ADGRL3: variants seen among roughly 807,000 people sequenced by gnomAD.
The protein encoded by ADGRL3 is calcium-independent alpha-latrotoxin receptor 3.
A neutral mutation model predicts 153.5 loss-of-function variants in ADGRL3; 62 were observed. The observed-to-expected ratio is 0.40, with a 90% CI of 0.33 to 0.50. The LOEUF (loss-of-function observed/expected upper bound fraction) is 0.50. Among genes scored for constraint, ADGRL3 ranks in the 20% least tolerant of loss-of-function variants. ADGRL3 has a pLI of 0.47. For missense variants in ADGRL3, 1,641 were observed against 1,859.4 expected, an observed-to-expected ratio of 0.88 and a Z score of 2.16; for synonymous variants, 710 against 672.5, an observed-to-expected ratio of 1.06 and a Z score of -0.86.
chr4:61,550,385 T>G (rs2098734690), intron 4 of ADGRL3, among the ~76,000 whole-genome samples: 1 of 152,036 alleles, frequency 6.6e-6, no homozygotes, highest in Admixed American at 6.6e-5. Context: ...ATTAAAATAA[T>G]TCACTTTTCT....
At chr4:61,367,553 C>A (rs2096427738) in intron 1 of ADGRL3, among the ~76,000 whole-genome samples, 2 of 150,576 alleles carry the variant, frequency 1.3e-5, no homozygotes, top group Non-Finnish European at 3.0e-5. Context: ...CATGTCCCTA[C>A]AAAGGACATG....
chr4:61,644,389 C>A (rs1047008541), intron 5 of ADGRL3, among the ~76,000 whole-genome samples: 1 of 151,772 alleles, frequency 6.6e-6, no homozygotes, highest in African/African-American at 2.4e-5. Flanking sequence ...GTTAGGGTGT[C>A]AATTTTAGAT....
chr4:61,254,833 C>T (rs1255628454), intron 1 of ADGRL3, among the ~76,000 whole-genome samples: 2 of 152,124 alleles, frequency 1.3e-5, no homozygotes, highest in African/African-American at 2.4e-5. Flanking sequence ...CATTTTTCTT[C>T]CTTGTGGATC....
chr4:61,691,208 T>A (rs1214414768), intron 6 of ADGRL3, among the ~76,000 whole-genome samples: 1 of 152,202 alleles, frequency 6.6e-6, no homozygotes, highest in Admixed American at 6.5e-5. Flanking sequence ...TTATAGTACT[T>A]GATCAAATCT....
intron 2 of ADGRL3, among the ~76,000 whole-genome samples, chr4:61,446,095 A>G (rs1442874698): frequency 1.3e-5 from 2 of 152,156 alleles, no homozygotes; most frequent in East Asian, 3.9e-4. Flanking sequence ...TCATATAATG[A>G]CATTATTTCT....
At chr4:61,306,963 C>G (rs1440822944) in intron 1 of ADGRL3, among the ~76,000 whole-genome samples, 2 of 152,174 alleles carry the variant, frequency 1.3e-5, no homozygotes, top group Non-Finnish European at 2.9e-5. Flanking sequence ...ATAAAATGTA[C>G]TATCCTTTTG....
At chr4:62,069,181 C>A (rs1250250392) in intron 26 of ADGRL3, among the ~76,000 whole-genome samples, 2 of 152,118 alleles carry the variant, frequency 1.3e-5, no homozygotes, top group Non-Finnish European at 2.9e-5. Flanking sequence ...TTCACTGCAG[C>A]TGTTTCTTAC....
chr4:61,201,584 A>G lies in ADGRL3; in HGVS notation c.-421A>G, dbSNP rs114862924. On this transcript the variant is annotated 5_prime_UTR_variant, in exon 1 of 27. Transcript: ENST00000683033. ...TGTTGTTTCCTTGACTGGGGTCTCC[A>G]CCCTCCTGCTGCTTTCTCTGCGCTT... 1,722 of 152,128 alleles carry G rather than the reference A, an allele frequency of 0.011. 17 individuals are homozygous for G. Among genetic ancestry groups the G allele is most frequent in the Non-Finnish European group, 0.018 (1,230 of 68,126 alleles). The allele number at this position is 152,128 out of a possible 1,614,324, so 9.4% of individuals were successfully genotyped here.
At chr4:61,393,491 TATA>T (rs1170863723) in intron 2 of ADGRL3, among the ~76,000 whole-genome samples, 8 of 152,208 alleles carry the variant, frequency 5.3e-5, no homozygotes, top group African/African-American at 1.7e-4. Context: ...ATTTTTTTAG[TATA>T]ATGAGATTTT....
At position 61,291,603 on chromosome 4, in the gene ADGRL3, TACACAC is replaced by T. The variant is rs1177747477; in HGVS notation, c.-240+89842_-240+89847del. Among the ~76,000 whole-genome samples the T allele has an allele frequency of 7.2e-3, 76 of 10,570 alleles. 1 individual carries two copies. The highest frequency in any genetic ancestry group is 0.018 in the East Asian group (9 of 510). The allele number at this position is 10,570 out of a possible 152,430, so 6.9% of individuals were successfully genotyped here. On this transcript the variant is annotated intron_variant, in intron 1 of 26. Coordinates refer to ENST00000683033, the MANE Select transcript of ADGRL3 (RefSeq NM_001387552.1). ...ATATACATATATATATATATATATATACACACACATATATATATATATAAAATATTT... is the reference window on the plus strand; with the variant it reads ...ATATACATATATATATATATATATATACATATATATATATATAAAATATTT...
chr4:61,346,392 T>C (rs1191486799), intron 1 of ADGRL3, among the ~76,000 whole-genome samples: 1 of 151,358 alleles, frequency 6.6e-6, no homozygotes, highest in Non-Finnish European at 1.5e-5. Context: ...TTAAAGTCGT[T>C]TTAACATTGG....
chr4:61,454,152 A>G (rs2097707384), intron 2 of ADGRL3, among the ~76,000 whole-genome samples: 1 of 152,100 alleles, frequency 6.6e-6, no homozygotes, highest in South Asian at 2.1e-4. Flanking sequence ...TTCAGCTCTC[A>G]TGGTTGCCTA....
chr4:61,219,782 T>C (rs1414383919), intron 1 of ADGRL3, among the ~76,000 whole-genome samples: 1 of 152,184 alleles, frequency 6.6e-6, no homozygotes, highest in East Asian at 1.9e-4. Flanking sequence ...TGACTTTCGA[T>C]TATTTCTCTT....
Position 62,072,392 on chromosome 4 carries a change from A to C in ADGRL3, c.*1484A>C, listed in dbSNP as rs1238434894. 6.6e-6 allele frequency: 1 copy of C among 152,626 alleles called. No homozygotes were observed. Among genetic ancestry groups the C allele is most frequent in the African/African-American group, 2.4e-5 (1 of 41,460 alleles). The allele number at this position is 152,626 out of a possible 1,614,324, so 9.5% of individuals were successfully genotyped here. On this transcript the variant is annotated 3_prime_UTR_variant, in exon 27 of 27. Coordinates refer to ENST00000683033, the MANE Select transcript of ADGRL3 (RefSeq NM_001387552.1). ...TGACCTCATTACTAATATTTGTTGT[A>C]AAAGTGAAACTTGTTTGCCAACCAA...
rs193006125 is a variant in ADGRL3 at position 61,598,138 on chromosome 4, G to T, written c.473+10698G>T. Among the ~76,000 whole-genome samples, 35 of 151,738 alleles carry T rather than the reference G, an allele frequency of 2.3e-4. 1 individual carries two copies. The highest frequency in any genetic ancestry group is 2.1e-3 in the Admixed American group (32 of 15,210). ...CCTTCAAATGGTTTATAGTAAGTTA[G>T]CATTTCCCTGCTGTGACATTAAAAA... On this transcript the variant is annotated intron_variant, in intron 5 of 26. Coordinates refer to ENST00000683033, the MANE Select transcript of ADGRL3 (RefSeq NM_001387552.1).
chr4:61,406,663 A>T (rs143646855), intron 2 of ADGRL3, among the ~76,000 whole-genome samples: 1,550 of 152,104 alleles, frequency 0.01, 20 homozygotes, highest in African/African-American at 0.036. Context: ...TTAATAAATC[A>T]TTGGAGTTAT....
At chr4:61,482,227 A>T (rs760150110) in intron 2 of ADGRL3, among the ~76,000 whole-genome samples, 1 of 152,222 alleles carries the variant, frequency 6.6e-6, no homozygotes, top group Non-Finnish European at 1.5e-5. Flanking sequence ...GAATTAAACA[A>T]TGTTTTAATC....
At chr4:61,401,241 T>C (rs1229714239) in intron 2 of ADGRL3, among the ~76,000 whole-genome samples, 1 of 151,946 alleles carries the variant, frequency 6.6e-6, no homozygotes, top group Non-Finnish European at 1.5e-5. Flanking sequence ...ATTATACTGA[T>C]TAATTCAGGG....
intron 8 of ADGRL3, among the ~76,000 whole-genome samples, chr4:61,756,228 A>G (rs1197286724): frequency 6.6e-6 from 1 of 152,110 alleles, no homozygotes; most frequent in Non-Finnish European, 1.5e-5. Flanking sequence ...CATTTTCACA[A>G]TATTGATTCT....
Sources: allele counts gnomAD v4.1 joint callset (sites outside exome capture counted in the v4.1 genomes callset), GRCh38; gene constraint gnomAD v4.1.1; transcripts MANE v1.5; gene names NCBI Gene and HGNC (gene_info 2026-07-23, HGNC 2026-07-21).